The following AFG3L2 variants were observed in gnomAD, a reference collection of about 807,000 sequenced individuals.
The protein encoded by AFG3L2 is AFG3 like matrix AAA peptidase subunit 2, also known as mitochondrial inner membrane m-AAA protease component AFG3L2.
A neutral mutation model predicts 94.5 loss-of-function variants in AFG3L2; 54 were observed. The ratio of observed to expected loss-of-function variants is 0.57; its 90% CI spans 0.46 to 0.72. The LOEUF is 0.72. Ranked by LOEUF, AFG3L2 falls within the 30% of genes least tolerant of loss-of-function variation. AFG3L2 has a pLI of 0.00. For missense variants in AFG3L2, 754 were observed against 994.9 expected, an observed-to-expected ratio of 0.76 and a Z score of 3.26; for synonymous variants, 377 against 365.5, an observed-to-expected ratio of 1.03 and a Z score of -0.36.
Position 12,371,578 on chromosome 18 carries a change from A to C in AFG3L2, c.214+14T>G. 6.2e-7 allele frequency: 1 copy of C among 1,609,472 alleles called. No individual in the cohort carries two copies. The highest frequency in any genetic ancestry group is 1.1e-5 in the South Asian group (1 of 90,978). The stretch of plus-strand genomic sequence containing the variant: ...TAAGAATGTAGAACACTACAGCCAC[A>C]CCTAAGCATTTACCTTTTGGGGGTC... On this transcript the variant is annotated intron_variant, in intron 2 of 16. Transcript: ENST00000269143.
At position 12,353,068 on chromosome 18, in the gene AFG3L2, C is replaced by T; in HGVS notation, c.1255G>A (p.Gly419Ser). Residue 419 changes from glycine (G) to serine (S), a missense_variant, in exon 10 of 17, where the codon GGC becomes AGC. Gly to Ser is a moderately conservative substitution (Grantham distance 56). Around this residue, in one of 4 missense-constraint regions of AFG3L2, gnomAD observed 109 missense variants for 227.1 expected, o/e 0.48. Coordinates refer to ENST00000269143, the MANE Select transcript of AFG3L2 (RefSeq NM_006796.3). ...IDAVGRKRGRGNFGGQSEQEN... is the reference protein window; with the variant it reads ...IDAVGRKRGRSNFGGQSEQEN... ...TGCTCACTCTGCCCTCCAAAGTTGCCTCTTCCTCTCTTCCTTCCCACCGCA... is the reference window on the plus strand; with the variant it reads ...TGCTCACTCTGCCCTCCAAAGTTGCTTCTTCCTCTCTTCCTTCCCACCGCA... The T allele has an allele frequency of 6.2e-7, 1 of 1,614,142 alleles. No homozygotes were observed.
At position 12,371,676 on chromosome 18, in the gene AFG3L2, T is replaced by C. The variant is rs1392351783; in HGVS notation, c.130A>G (p.Thr44Ala). 1 of 1,613,962 alleles carries C rather than the reference T, an allele frequency of 6.2e-7. No individual in the cohort carries two copies. The highest frequency in any genetic ancestry group is 8.5e-7 in the Non-Finnish European group (1 of 1,179,962). Reference protein sequence around the residue: ...PCLRTLYRFVTTQARASRNSL... With the variant: ...PCLRTLYRFVATQARASRNSL... ...TTTCTGCTGGCCCTTGCTTGAGTTG[T>C]AACAAATCGGTAAAGCTGCAACAAG... Residue 44 changes from threonine to alanine, a missense_variant, in exon 2 of 17, where the codon ACA becomes GCA. Transcript: ENST00000269143.
chr18:12,369,629 G>A (rs867673629), intron 3 of AFG3L2, among the ~76,000 whole-genome samples: 3 of 151,434 alleles, frequency 2.0e-5, no homozygotes, highest in Non-Finnish European at 4.4e-5. Context: ...GCTGAGGCAG[G>A]AGAATCACCT....
chr18:12,338,141 A>G (rs1287175920), intron 15 of AFG3L2, among the ~76,000 whole-genome samples: 1 of 152,114 alleles, frequency 6.6e-6, no homozygotes, highest in African/African-American at 2.4e-5. Flanking sequence ...GCATGATCAT[A>G]GCTCACTGCA....
At chr18:12,360,123 A>G (rs1333709877) in intron 6 of AFG3L2, 72 bp from the exon 7 acceptor site, 34 of 1,434,076 alleles carry the variant, frequency 2.4e-5, no homozygotes, top group Non-Finnish European at 3.2e-5. Flanking sequence ...AAACGGTTCA[A>G]CTTTTTAAGA....
intron 13 of AFG3L2, 119 bp from the exon 14 acceptor site, chr18:12,344,366 T>A: frequency 1.2e-6 from 1 of 816,264 alleles, no homozygotes; most frequent in Non-Finnish European, 2.1e-6. Context: ...CTGAGCTGCC[T>A]ATCACAATCC....
chr18:12,361,400 A>G (rs1051792165), intron 6 of AFG3L2, among the ~76,000 whole-genome samples: 3 of 152,056 alleles, frequency 2.0e-5, no homozygotes, highest in East Asian at 1.9e-4. Context: ...TGTAATTCCA[A>G]CACTTTGGGA....
chr18:12,348,073 AG>A (rs1319992655), intron 13 of AFG3L2, among the ~76,000 whole-genome samples, 199 bp downstream of exon 13: 1 of 152,178 alleles, frequency 6.6e-6, no homozygotes, highest in African/African-American at 2.4e-5. Flanking sequence ...GGCAGGTGGC[AG>A]GGGACGGTGG....
chr18:12,336,920 A>G (rs1276333136), intron 16 of AFG3L2, among the ~76,000 whole-genome samples: 1 of 152,146 alleles, frequency 6.6e-6, no homozygotes, highest in Non-Finnish European at 1.5e-5. Context: ...TCACGTACCA[A>G]TTTCCTACTT....
At chr18:12,342,356 G>A (rs1210292082) in intron 14 of AFG3L2, 1 of 151,988 alleles carries the variant, frequency 6.6e-6, no homozygotes, top group Admixed American at 6.6e-5. Context: ...ATACCTTCTG[G>A]GAAATGCATG....
At chr18:12,352,805 C>A (rs1281528774) in intron 10 of AFG3L2, among the ~76,000 whole-genome samples, 200 bp downstream of exon 10, 1 of 152,010 alleles carries the variant, frequency 6.6e-6, no homozygotes, top group Non-Finnish European at 1.5e-5. Flanking sequence ...TAAGGACTCT[C>A]ATTTTGGGGA....
rs1369685832 is a variant in AFG3L2 at position 12,328,948 on chromosome 18, T to G, written c.*617A>C. 1 of 534,832 alleles carries G rather than the reference T, an allele frequency of 1.9e-6. No individual in the cohort carries two copies. Among genetic ancestry groups the G allele is most frequent in the Non-Finnish European group, 3.3e-6 (1 of 300,744 alleles). The allele number at this position is 534,832 out of a possible 1,614,324, so 33.1% of individuals were successfully genotyped here. ...AGCATAAATAGGGACCCTATGTGTG[T>G]TCAGAAAAGTACAGTGTTGACATTT... is the stretch of plus-strand genomic sequence containing the variant. On this transcript the variant is annotated 3_prime_UTR_variant, in exon 17 of 17. Coordinates refer to ENST00000269143, the MANE Select transcript of AFG3L2 (RefSeq NM_006796.3).
Position 12,353,005 on chromosome 18 carries a change from C to T in AFG3L2, c.1318G>A (p.Gly440Ser). The change falls in exon 10 of 17, where the codon GGT becomes AGT. Residue 440 changes from glycine to serine, a missense_variant and splice_region_variant. Physicochemically the swap from Gly to Ser is moderately conservative, Grantham distance 56. Around this residue, in one of 4 missense-constraint regions of AFG3L2, gnomAD observed 109 missense variants for 227.1 expected, o/e 0.48. Transcript: ENST00000269143. ...AGATACAAAAGCCTTGACCACTCAC[C>T]ATCCATCTCCACCAGCAGCTGGTTG... ...TLNQLLVEMD[G>S]FNTTTNVVIL... 6.2e-7 allele frequency: 1 copy of T among 1,613,836 alleles called. No individual in the cohort carries two copies. The highest frequency in any genetic ancestry group is 8.5e-7 in the Non-Finnish European group (1 of 1,179,948).
intron 16 of AFG3L2, among the ~76,000 whole-genome samples, chr18:12,332,359 A>G (rs780980293): frequency 6.6e-6 from 1 of 152,100 alleles, no homozygotes; most frequent in Non-Finnish European, 1.5e-5. Flanking sequence ...TCAGCCCCTC[A>G]AAGTACTGGG....
chr18:12,355,162 G>A (rs1331003907), intron 9 of AFG3L2, among the ~76,000 whole-genome samples: 1 of 150,156 alleles, frequency 6.7e-6, no homozygotes, highest in African/African-American at 2.5e-5. Flanking sequence ...TTATGCCGCT[G>A]CACTCCAGCC....
At chr18:12,344,014 T>G (rs780760752) in intron 14 of AFG3L2, 118 bp downstream of exon 14, 1 of 886,250 alleles carries the variant, frequency 1.1e-6, no homozygotes, top group South Asian at 1.4e-5. Context: ...TTACCAGAAG[T>G]TTTGGCTAAA....
intron 12 of AFG3L2, among the ~76,000 whole-genome samples, chr18:12,349,707 G>T (rs1000852424): frequency 5.9e-5 from 9 of 152,086 alleles, no homozygotes; most frequent in Non-Finnish European, 1.0e-4. Context: ...TGTCACCCAG[G>T]CTGGAGTGCA....
chr18:12,345,825 A>T (rs1422363177), intron 13 of AFG3L2, among the ~76,000 whole-genome samples: 1 of 151,998 alleles, frequency 6.6e-6, no homozygotes, highest in African/African-American at 2.4e-5. Context: ...TCCATTCACA[A>T]CTCTTACCAT....
chr18:12,368,797 C>A (rs1908888201), intron 3 of AFG3L2, among the ~76,000 whole-genome samples: 1 of 152,132 alleles, frequency 6.6e-6, no homozygotes, highest in Non-Finnish European at 1.5e-5. Context: ...GATAGGGTTT[C>A]ATCATGTTGG....
Sources: gnomAD v4.1 joint callset for allele counts (sites outside exome capture counted in the v4.1 genomes callset) on GRCh38, gnomAD v4.1.1 for gene constraint, gnomAD v4.1.1 regional missense constraint, MANE v1.5 for transcripts, NCBI Gene and HGNC (gene_info 2026-07-23, HGNC 2026-07-21) for gene names.